RAPGEF4: variants seen among roughly 807,000 people sequenced by gnomAD.
RAPGEF4 encodes the protein Rap guanine nucleotide exchange factor 4.
In RAPGEF4, 66 loss-of-function variants were observed where a neutral mutation model predicts 147.9. The observed-to-expected ratio is 0.45, with a 90% CI of 0.37 to 0.55. The LOEUF (loss-of-function observed/expected upper bound fraction) is 0.55, where lower values mean the gene tolerates loss of function less well. Ranked by LOEUF, RAPGEF4 falls within the 20% of genes least tolerant of loss-of-function variation. The probability of loss-of-function intolerance (pLI) is 0.00; values close to 1 mark genes in which losing one functional copy is unlikely to be tolerated. For missense variants in RAPGEF4, 1,071 were observed against 1,257.3 expected (o/e 0.85, Z 2.24); for synonymous variants, 419 against 442.7 (o/e 0.95, Z 0.67).
chr2:172,953,041 G>T (rs767484690), intron 6 of RAPGEF4, among the ~76,000 whole-genome samples: 3 of 151,950 alleles, frequency 2.0e-5, no homozygotes, highest in Non-Finnish European at 2.9e-5. Flanking sequence ...CGCTTCCTTC[G>T]TCCGGTTTTA....
chr2:172,919,533 T>TC (rs1414418995), intron 5 of RAPGEF4, among the ~76,000 whole-genome samples: 3 of 151,920 alleles, frequency 2.0e-5, no homozygotes, highest in Non-Finnish European at 4.4e-5. Context: ...AGGTACTTCT[T>TC]CCCCCGCTTA....
intron 1 of RAPGEF4, among the ~76,000 whole-genome samples, chr2:172,775,029 C>T (rs185589918): frequency 1.8e-3 from 281 of 152,244 alleles, no homozygotes; most frequent in Non-Finnish European, 3.2e-3. Flanking sequence ...GGTTCTGAGG[C>T]GTGGCTTCCT....
chr2:173,031,942 C>T (rs1697230434), intron 26 of RAPGEF4, among the ~76,000 whole-genome samples: 1 of 152,142 alleles, frequency 6.6e-6, no homozygotes, highest in Admixed American at 6.5e-5. Flanking sequence ...GCCTCCCATG[C>T]AACTCCATTG....
chr2:172,867,706 A>C (rs1168393603), intron 4 of RAPGEF4, among the ~76,000 whole-genome samples: 18 of 152,340 alleles, frequency 1.2e-4, no homozygotes, highest in South Asian at 2.1e-4. Flanking sequence ...AATGTGGTGA[A>C]AGATAGAACT....
At chr2:172,986,126 A>C (rs1363294766) in intron 12 of RAPGEF4, among the ~76,000 whole-genome samples, 2 of 152,236 alleles carry the variant, frequency 1.3e-5, no homozygotes, top group Non-Finnish European at 2.9e-5. Flanking sequence ...CTCCTACAAA[A>C]ATCTGGCTGG....
chr2:172,891,145 A>G (rs74998615), intron 4 of RAPGEF4, among the ~76,000 whole-genome samples: 4 of 152,108 alleles, frequency 2.6e-5, no homozygotes, highest in African/African-American at 9.7e-5. Context: ...GAAAAAAAAA[A>G]GGAATTTCAA....
chr2:172,936,430 T>G, intron 6 of RAPGEF4, among the ~76,000 whole-genome samples: 1 of 152,234 alleles, frequency 6.6e-6, no homozygotes, highest in East Asian at 1.9e-4. Flanking sequence ...AGTTAACATA[T>G]AGGAAAATGT....
chr2:172,879,001 A>G lies in RAPGEF4; in HGVS notation c.445-38801A>G, dbSNP rs60575684. 2.0e-5 allele frequency among the ~76,000 whole-genome samples: 3 copies of G among 152,266 alleles called. No individual in the cohort carries two copies. In the East Asian group the frequency reaches 5.8e-4, roughly 29 times the overall value. On this transcript the variant is annotated intron_variant, in intron 4 of 30. Coordinates refer to ENST00000397081, the MANE Select transcript of RAPGEF4 (RefSeq NM_007023.4). ...TTACATTTTGCAGTTGACAGGCAGTATTTATCAAAATTTTAAATGCACACA... is the reference window on the plus strand; with the variant it reads ...TTACATTTTGCAGTTGACAGGCAGTGTTTATCAAAATTTTAAATGCACACA...
intron 1 of RAPGEF4, among the ~76,000 whole-genome samples, chr2:172,783,758 GCT>G (rs552713569): frequency 1.6e-4 from 24 of 149,492 alleles, no homozygotes; most frequent in African/African-American, 5.4e-4. Flanking sequence ...GTGTGTATGT[GCT>G]TGTGTGTATG....
intron 23 of RAPGEF4, among the ~76,000 whole-genome samples, chr2:173,023,315 G>T (rs960794397): frequency 1.3e-5 from 2 of 152,176 alleles, no homozygotes; most frequent in Non-Finnish European, 2.9e-5. Context: ...AAACCGTGGG[G>T]AGAAAATGCA....
At chr2:172,904,048 A>T (rs1364265566) in intron 4 of RAPGEF4, among the ~76,000 whole-genome samples, 1 of 152,188 alleles carries the variant, frequency 6.6e-6, no homozygotes, top group Non-Finnish European at 1.5e-5. Context: ...ACTTTCTGTG[A>T]AATGATCCTT....
At chr2:172,804,844 T>C (rs747985646) in intron 3 of RAPGEF4, among the ~76,000 whole-genome samples, 42 of 152,328 alleles carry the variant, frequency 2.8e-4, no homozygotes, top group Non-Finnish European at 5.9e-4. Context: ...CGATGAGTGC[T>C]GATGTACACT....
intron 4 of RAPGEF4, among the ~76,000 whole-genome samples, chr2:172,824,248 G>A (rs1455736920): frequency 3.9e-5 from 6 of 152,150 alleles, no homozygotes. Flanking sequence ...TTCCATGCCG[G>A]GACTTTTGAT....
At chr2:173,003,706 CT>C (rs199766412) in intron 17 of RAPGEF4, among the ~76,000 whole-genome samples, 883 of 11,174 alleles carry the variant, frequency 0.079, 14 homozygotes, top group African/African-American at 0.2. Context: ...TTTTTTTTTT[CT>C]CTCTCTCTCT....
At chr2:172,890,932 C>A (rs1034960013) in intron 4 of RAPGEF4, among the ~76,000 whole-genome samples, 2 of 152,164 alleles carry the variant, frequency 1.3e-5, no homozygotes, top group Admixed American at 6.5e-5. Flanking sequence ...GAGTTCGAGA[C>A]CAGCCTGGCC....
intron 6 of RAPGEF4, among the ~76,000 whole-genome samples, chr2:172,939,935 T>G (rs1371038042): frequency 6.6e-6 from 1 of 152,210 alleles, no homozygotes; most frequent in Admixed American, 6.5e-5. Context: ...CAGTTGACTA[T>G]GTTTATGTGG....
chr2:172,930,572 T>C (rs1685817044), intron 6 of RAPGEF4, among the ~76,000 whole-genome samples: 1 of 152,242 alleles, frequency 6.6e-6, no homozygotes, highest in Non-Finnish European at 1.5e-5. Context: ...TATTGAATTT[T>C]GCCCTCTTTT....
At chr2:173,013,211 C>A (rs1387231368) in intron 17 of RAPGEF4, among the ~76,000 whole-genome samples, 1 of 152,216 alleles carries the variant, frequency 6.6e-6, no homozygotes, top group Non-Finnish European at 1.5e-5. Context: ...AGCACTGTCA[C>A]AAGCCAGTTT....
At position 172,991,425 on chromosome 2, in the gene RAPGEF4, T is replaced by C. The variant is rs145988180; in HGVS notation, c.1490+500T>C. The stretch of plus-strand genomic sequence containing the variant: ...GCCCAGAAGCATCCATTTGGCCTCA[T>C]TCATACTTTCCTGCTAATGTCAAAA... On this transcript the variant is annotated intron_variant, in intron 15 of 30. Transcript: ENST00000397081. Among the ~76,000 whole-genome samples the C allele has an allele frequency of 2.0e-3, 306 of 152,338 alleles. 6 individuals carry two copies. Among genetic ancestry groups the C allele is most frequent in the Admixed American group, 0.017 (259 of 15,306 alleles).
Sources: gnomAD v4.1 joint callset for allele counts (sites outside exome capture counted in the v4.1 genomes callset) on GRCh38, gnomAD v4.1.1 for gene constraint, MANE v1.5 for transcripts, NCBI Gene and HGNC (gene_info 2026-07-23, HGNC 2026-07-21) for gene names.